Variants in STPG2 observed in about 807,000 individuals in gnomAD.
STPG2 encodes the protein sperm-tail PG-rich repeat-containing protein 2.
In STPG2, 56 loss-of-function variants were observed where a neutral mutation model predicts 54.2. The observed-to-expected ratio is 1.03, with a 90% confidence interval of 0.83 to 1.29. The LOEUF (loss-of-function observed/expected upper bound fraction) is 1.29. STPG2 is among the 50% of genes most tolerant of loss of function. STPG2 has a pLI of 0.00. For missense variants in STPG2, 596 were observed against 544.9 expected, an observed-to-expected ratio of 1.09 and a Z score of -0.93; for synonymous variants, 200 against 181.8, an observed-to-expected ratio of 1.10 and a Z score of -0.81.
rs544051201 is a variant in STPG2 at position 97,717,481 on chromosome 4, C to CTA, written c.1205-4669_1205-4668dup. ...ACATGTGTTCCTAGCACTGATTAAG[C>CTA]TATAGGGCTGTCACTGTTATGACAT... On this transcript the variant is annotated intron_variant, in intron 9 of 10. Transcript: ENST00000295268. 8.7e-4 allele frequency among the ~76,000 whole-genome samples: 132 copies of CTA among 152,236 alleles called. No homozygotes were observed. In the South Asian group the frequency reaches 1.0e-2, roughly 11 times the overall value.
chr4:98,100,850 A>T, intron 5 of STPG2, among the ~76,000 whole-genome samples: 1 of 151,124 alleles, frequency 6.6e-6, no homozygotes. Context: ...TAATTTTTGT[A>T]TTTTTAGTAG....
At chr4:97,598,449 CA>C (rs1217200698) in intron 10 of STPG2, among the ~76,000 whole-genome samples, 14 of 151,196 alleles carry the variant, frequency 9.3e-5, no homozygotes, top group African/African-American at 2.9e-4. Flanking sequence ...CAAAAACAAG[CA>C]AACACACAAC....
chr4:97,986,799 T>C (rs1432530770), intron 5 of STPG2, among the ~76,000 whole-genome samples: 1 of 152,192 alleles, frequency 6.6e-6, no homozygotes, highest in Non-Finnish European at 1.5e-5. Context: ...CTTTTCTTCT[T>C]ATAACCTTTA....
At chr4:97,636,000 A>T (rs1721505969) in intron 10 of STPG2, among the ~76,000 whole-genome samples, 1 of 152,174 alleles carries the variant, frequency 6.6e-6, no homozygotes, top group Non-Finnish European at 1.5e-5. Context: ...CCTAATAGAC[A>T]TCTACAGAAC....
intron 9 of STPG2, among the ~76,000 whole-genome samples, chr4:97,796,869 G>A (rs913919602): frequency 4.6e-5 from 7 of 151,964 alleles, no homozygotes; most frequent in East Asian, 3.9e-4. Flanking sequence ...CTTTTATTTC[G>A]TTGAGCACTG....
At chr4:97,973,771 A>AT (rs1192843129) in intron 6 of STPG2, among the ~76,000 whole-genome samples, 2 of 124 alleles carry the variant, frequency 0.016, no homozygotes, top group Non-Finnish European at 0.033. Flanking sequence ...AGAGGGTGCA[A>AT]GCCCAAGCCT....
intron 5 of STPG2, among the ~76,000 whole-genome samples, chr4:98,058,037 A>C (rs1737532340): frequency 6.6e-6 from 1 of 152,210 alleles, no homozygotes; most frequent in Non-Finnish European, 1.5e-5. Context: ...CCTGCCTTAC[A>C]AGAGTACCCA....
chr4:97,822,322 T>G (rs1315823093), intron 9 of STPG2, among the ~76,000 whole-genome samples: 1 of 152,196 alleles, frequency 6.6e-6, no homozygotes, highest in Non-Finnish European at 1.5e-5. Flanking sequence ...AGCCCAGAAT[T>G]CACTGTCCAT....
chr4:97,805,374 AT>A (rs1727525029), intron 9 of STPG2, among the ~76,000 whole-genome samples: 2 of 151,604 alleles, frequency 1.3e-5, no homozygotes, highest in South Asian at 4.2e-4. Context: ...CACCCTGCTA[AT>A]TTTTCTATTT....
intron 7 of STPG2, among the ~76,000 whole-genome samples, chr4:97,965,584 C>T (rs1171020150): frequency 6.6e-6 from 1 of 152,164 alleles, no homozygotes; most frequent in African/African-American, 2.4e-5. Context: ...GAGACACTTC[C>T]CAGAACGGGC....
At chr4:97,725,389 G>T (rs1724588181) in intron 9 of STPG2, among the ~76,000 whole-genome samples, 1 of 148,814 alleles carries the variant, frequency 6.7e-6, no homozygotes, top group Admixed American at 6.7e-5. Flanking sequence ...GAAAGACAAA[G>T]ACCAAAATAA....
At chr4:98,055,580 A>G (rs1737455842) in intron 5 of STPG2, among the ~76,000 whole-genome samples, 1 of 152,292 alleles carries the variant, frequency 6.6e-6, no homozygotes, top group Admixed American at 6.5e-5. Context: ...ACTACTATGG[A>G]CACTTGAGGT....
intron 5 of STPG2, among the ~76,000 whole-genome samples, chr4:98,056,797 G>T (rs999044195): frequency 3.9e-5 from 6 of 151,968 alleles, no homozygotes; most frequent in Non-Finnish European, 8.8e-5. Context: ...ATAGTGTGTA[G>T]GTTCTCATAA....
At chr4:97,968,399 C>T (rs184348510) in intron 7 of STPG2, among the ~76,000 whole-genome samples, 295 of 152,146 alleles carry the variant, frequency 1.9e-3, no homozygotes, top group African/African-American at 7.0e-3. Flanking sequence ...AACTTCCAAT[C>T]AATAGAAAAA....
intron 3 of STPG2, among the ~76,000 whole-genome samples, chr4:98,124,087 G>C (rs776130627): frequency 6.6e-6 from 1 of 152,110 alleles, no homozygotes; most frequent in Non-Finnish European, 1.5e-5. Context: ...GCCTGAGATA[G>C]GTCTCTTGAA....
intron 10 of STPG2, among the ~76,000 whole-genome samples, chr4:97,618,348 T>C (rs554094442): frequency 6.6e-6 from 1 of 152,260 alleles, no homozygotes; most frequent in South Asian, 2.1e-4. Context: ...TTATATCAGC[T>C]GCAGCTCACA....
chr4:97,817,125 T>C (rs1215214970), intron 9 of STPG2, among the ~76,000 whole-genome samples: 1 of 150,286 alleles, frequency 6.7e-6, no homozygotes, highest in East Asian at 1.9e-4. Flanking sequence ...CCCAGCTACA[T>C]TCCACCTTGG....
intron 5 of STPG2, among the ~76,000 whole-genome samples, chr4:98,082,794 T>G (rs1043066390): frequency 6.6e-6 from 1 of 152,024 alleles, no homozygotes; most frequent in African/African-American, 2.4e-5. Context: ...ATAACAAATC[T>G]AATCATGCCA....
intron 10 of STPG2, among the ~76,000 whole-genome samples, chr4:97,698,764 G>A (rs571705761): frequency 1.3e-4 from 20 of 152,150 alleles, no homozygotes; most frequent in African/African-American, 3.4e-4. Context: ...TCACCTAGTC[G>A]GCGTTGTAAT....
Sources: allele counts gnomAD v4.1 joint callset (sites outside exome capture counted in the v4.1 genomes callset), GRCh38; gene constraint gnomAD v4.1.1; transcripts MANE v1.5; gene names NCBI Gene and HGNC (gene_info 2026-07-23, HGNC 2026-07-21).